Variants in DHX57 observed in about 807,000 individuals in gnomAD.
DHX57 encodes the protein DExH-box helicase 57, also known as putative ATP-dependent RNA helicase DHX57.
A neutral mutation model predicts 156.2 loss-of-function variants in DHX57; 105 were observed. The observed-to-expected ratio is 0.67, with a 90% CI of 0.57 to 0.79. The LOEUF is 0.79. Among genes scored for constraint, DHX57 ranks in the 30% least tolerant of loss-of-function variants. The pLI is 0.00. For synonymous variants in DHX57, 704 were observed against 595.6 expected (o/e 1.18, Z -2.65); for missense variants, 1,847 against 1,661.9 (o/e 1.11, Z -1.94).
chr2:38,823,471 T>C (rs1254075858), intron 16 of DHX57, among the ~76,000 whole-genome samples: 1 of 152,212 alleles, frequency 6.6e-6, no homozygotes, highest in African/African-American at 2.4e-5. Context: ...ATTCTCTCTA[T>C]AAACTTTCAA....
intron 1 of DHX57, among the ~76,000 whole-genome samples, chr2:38,872,761 G>A (rs1665411039): frequency 6.6e-6 from 1 of 152,096 alleles, no homozygotes; most frequent in African/African-American, 2.4e-5. Context: ...GGGAGAATTA[G>A]ACAATTCAAT....
intron 1 of DHX57, among the ~76,000 whole-genome samples, chr2:38,870,045 G>C (rs1475005442): frequency 6.6e-6 from 1 of 152,062 alleles, no homozygotes; most frequent in Non-Finnish European, 1.5e-5. Context: ...GAATTCTGGA[G>C]TTGAAAAGTA....
Position 38,861,192 on chromosome 2 carries a change from A to G in DHX57, c.1218T>C (p.Pro406=). ...KALTFAETSE[P]VVYSLITLLE... ...AAAGGGTTATCAAAGAATATACGAC[A>G]GGTTCCGAAGTTTCCGCAAATGTCA... is the stretch of plus-strand genomic sequence containing the variant. The change falls in exon 5 of 24, where the codon CCT becomes CCC. Residue 406 remains proline (P), a synonymous_variant. Transcript: ENST00000457308. 1 of 1,614,192 alleles carries G rather than the reference A, an allele frequency of 6.2e-7. No homozygotes were observed. Among genetic ancestry groups the G allele is most frequent in the Non-Finnish European group, 8.5e-7 (1 of 1,180,034 alleles).
At chr2:38,865,351 G>C (rs1665014002) in intron 2 of DHX57, among the ~76,000 whole-genome samples, 1 of 152,104 alleles carries the variant, frequency 6.6e-6, no homozygotes, top group Admixed American at 6.6e-5. Flanking sequence ...GGTTTTATAA[G>C]GGGTGTCCCC....
intron 21 of DHX57, among the ~76,000 whole-genome samples, chr2:38,807,936 G>GCACCCAGCCAGTAAATATCATTTTAA (rs1380398791): frequency 1.2e-4 from 15 of 130,292 alleles, no homozygotes; most frequent in South Asian, 5.0e-4. Context: ...GTGAGCCACT[G>GCACCCAGCCAGTAAATATCATTTTAA]TGTCTTGCCT....
intron 21 of DHX57, chr2:38,810,414 G>A: frequency 1.9e-6 from 1 of 514,740 alleles, no homozygotes; most frequent in South Asian, 1.4e-5. Context: ...GGTGGCCCTA[G>A]CTCCCCATTG....
At chr2:38,806,411 C>T (rs1379861390) in intron 22 of DHX57, 148 bp downstream of exon 22, 1 of 846,298 alleles carries the variant, frequency 1.2e-6, no homozygotes, top group Non-Finnish European at 1.7e-6. Flanking sequence ...GTCCAATTTC[C>T]AGTCTGTTTA....
intron 23 of DHX57, among the ~76,000 whole-genome samples, chr2:38,801,342 G>C (rs1262727609): frequency 1.3e-5 from 2 of 152,088 alleles, no homozygotes; most frequent in Admixed American, 1.3e-4. Context: ...TTGGGCTTGA[G>C]CAATCCTCCC....
At chr2:38,838,393 C>A (rs542469570) in intron 12 of DHX57, among the ~76,000 whole-genome samples, 1 of 152,074 alleles carries the variant, frequency 6.6e-6, no homozygotes, top group South Asian at 2.1e-4. Flanking sequence ...CACAACCAGC[C>A]CACTTTTTTC....
At chr2:38,832,746 T>C (rs1349392372) in intron 13 of DHX57, among the ~76,000 whole-genome samples, 1 of 151,684 alleles carries the variant, frequency 6.6e-6, no homozygotes, top group Non-Finnish European at 1.5e-5. Context: ...CCATGTTGGC[T>C]AGGCTGGTCT....
chr2:38,870,909 A>G (rs1235655285), intron 1 of DHX57, among the ~76,000 whole-genome samples: 2 of 151,976 alleles, frequency 1.3e-5, no homozygotes, highest in Non-Finnish European at 2.9e-5. Flanking sequence ...ACAAAAAAAA[A>G]ACAACAAAAA....
chr2:38,813,849 C>T lies in DHX57; in HGVS notation c.3653G>A (p.Cys1218Tyr), dbSNP rs1486379763. Reference sequence around the variant, plus strand: ...CACTACATTTGGATACAAAGCAGCACACAGCATTGCTGATATCAGCTTGGG... The same window carrying T: ...CACTACATTTGGATACAAAGCAGCATACAGCATTGCTGATATCAGCTTGGG... ...ENPKLISAML[C>Y]AALYPNVVQV... The change falls in exon 21 of 24, where the codon TGT becomes TAT. Residue 1218 changes from cysteine (C) to tyrosine (Y), a missense_variant. By Grantham distance (194) the Cys-to-Tyr change is radical. Coordinates refer to ENST00000457308, the MANE Select transcript of DHX57 (RefSeq NM_198963.3). 1.4e-5 allele frequency: 22 copies of T among 1,613,718 alleles called. No individual in the cohort carries two copies. The highest frequency in any genetic ancestry group is 1.8e-5 in the Non-Finnish European group (21 of 1,179,714).
At chr2:38,841,219 A>G (rs529751732) in intron 12 of DHX57, among the ~76,000 whole-genome samples, 15 of 152,344 alleles carry the variant, frequency 9.8e-5, no homozygotes, top group Admixed American at 9.1e-4. Flanking sequence ...TTTTAGTTAG[A>G]CATATTTTAA....
Position 38,869,768 on chromosome 2 carries a change from A to C in DHX57, c.-6-1357T>G, listed in dbSNP as rs190576992. ...TTACAGTATGTTATCCAAAATGTTC[A>C]GTTAACAACAAAAAAGTCACAAGGC... On this transcript the variant is annotated intron_variant, in intron 1 of 23. Transcript: ENST00000457308. 1.9e-3 allele frequency among the ~76,000 whole-genome samples: 290 copies of C among 152,378 alleles called. 1 individual carries two copies. The highest frequency in any genetic ancestry group is 3.4e-3 in the Non-Finnish European group (233 of 68,032).
intron 23 of DHX57, among the ~76,000 whole-genome samples, chr2:38,800,161 G>T (rs1231489543): frequency 6.7e-6 from 1 of 148,822 alleles, no homozygotes; most frequent in African/African-American, 2.5e-5. Flanking sequence ...CTTCAGCCTG[G>T]GCAACAAGAG....
chr2:38,846,497 T>C (rs1464077123), intron 11 of DHX57, among the ~76,000 whole-genome samples: 1 of 151,228 alleles, frequency 6.6e-6, no homozygotes, highest in East Asian at 1.9e-4. Context: ...TGTGTGTCTG[T>C]AGTTCAGCTA....
chr2:38,843,096 C>G lies in DHX57; in HGVS notation c.2334G>C (p.Arg778Ser), dbSNP rs964816081. Residue 778 changes from arginine to serine, a missense_variant, in exon 12 of 24, where the codon AGG becomes AGC. Coordinates refer to ENST00000457308, the MANE Select transcript of DHX57 (RefSeq NM_198963.3). ...CCTGATCCTGGAGGTGAAGGGAGAG[C>G]CTTAGGTCTTCTTCCACTTCTTCAA... ...TAFEEVEEDL[R>S]LSLHLQDQDS... is the part of the protein sequence containing the mutation. 6.2e-6 allele frequency: 10 copies of G among 1,614,162 alleles called. No homozygotes were observed. Among genetic ancestry groups the G allele is most frequent in the South Asian group, 1.1e-5 (1 of 91,082 alleles).
Position 38,837,914 on chromosome 2 carries a change from A to G in DHX57, c.2459T>C (p.Ile820Thr), listed in dbSNP as rs1403390010. 2 of 1,613,666 alleles carry G rather than the reference A, an allele frequency of 1.2e-6. No individual in the cohort carries two copies. Among genetic ancestry groups the G allele is most frequent in the Non-Finnish European group, 1.7e-6 (2 of 1,179,602 alleles). ...VSKSVIKTMS[I>T]MDFEKVNLEL... ...AAGATTCACCTTTTCAAAATCCATGATGGACATTGTTTTGATGACTGACTT... is the reference window on the plus strand; with the variant it reads ...AAGATTCACCTTTTCAAAATCCATGGTGGACATTGTTTTGATGACTGACTT... Residue 820 changes from isoleucine (I) to threonine (T), a missense_variant, in exon 13 of 24, where the codon ATC becomes ACC. Transcript: ENST00000457308.
At chr2:38,845,777 T>G (rs1672245931) in intron 11 of DHX57, among the ~76,000 whole-genome samples, 1 of 152,168 alleles carries the variant, frequency 6.6e-6, no homozygotes, top group African/African-American at 2.4e-5. Context: ...TACCTAGCAC[T>G]TACAATTGTT....
Sources: gnomAD v4.1 joint callset for allele counts (sites outside exome capture counted in the v4.1 genomes callset) on GRCh38, gnomAD v4.1.1 for gene constraint, MANE v1.5 for transcripts, NCBI Gene and HGNC (gene_info 2026-07-23, HGNC 2026-07-21) for gene names.